The following ACVR1C variants were observed in gnomAD, a reference collection of about 807,000 sequenced individuals.
The protein encoded by ACVR1C is activin receptor type-1C.
Under a neutral mutation model 57.9 loss-of-function variants are expected in ACVR1C, and 23 were observed. The observed-to-expected ratio is 0.40, with a 90% confidence interval of 0.29 to 0.56. The LOEUF (loss-of-function observed/expected upper bound fraction) is 0.56. Among genes scored for constraint, ACVR1C ranks in the 20% least tolerant of loss-of-function variants. The probability of loss-of-function intolerance (pLI) is 0.50; values close to 1 mark genes in which losing one functional copy is unlikely to be tolerated. For missense variants in ACVR1C, 480 were observed against 607.9 expected (o/e 0.79, Z 2.21); for synonymous variants, 214 against 215.3 (o/e 0.99, Z 0.05).
rs1682723154 is a variant in ACVR1C at position 157,619,664 on chromosome 2, A to T, written c.73+8908T>A. Among the ~76,000 whole-genome samples, 4 of 152,170 alleles carry T rather than the reference A, an allele frequency of 2.6e-5. No homozygotes were observed. In the South Asian group the frequency reaches 8.3e-4, roughly 31 times the overall value. On this transcript the variant is annotated intron_variant, in intron 1 of 8. Transcript: ENST00000243349. ...TCTGACCCTTTGAGAAAATGTTGCC[A>T]ACACTTGATATAATGTACCTGCTAA...
At chr2:157,545,443 A>G (rs757681821) in intron 4 of ACVR1C, among the ~76,000 whole-genome samples, 35 of 152,198 alleles carry the variant, frequency 2.3e-4, no homozygotes, top group Non-Finnish European at 3.2e-4. Context: ...AAAATTTCCT[A>G]AGAATTTAAA....
rs1573895113 is a variant in ACVR1C, at chr2:157,528,470, T to G, written c.*5448A>C. On this transcript the variant is annotated 3_prime_UTR_variant, in exon 9 of 9. Transcript: ENST00000243349. ...AGGATGAAATACAGCTCATATTCTC[T>G]CGAATGTATTCATCTACAACTGAAA... 6.6e-6 allele frequency: 1 copy of G among 152,300 alleles called. No individual in the cohort carries two copies. The highest frequency in any genetic ancestry group is 1.9e-4 in the East Asian group (1 of 5,190). The allele number at this position is 152,300 out of a possible 1,614,324, so 9.4% of individuals were successfully genotyped here.
chr2:157,598,091 A>G (rs1682181533), intron 1 of ACVR1C, among the ~76,000 whole-genome samples: 1 of 152,080 alleles, frequency 6.6e-6, no homozygotes, highest in African/African-American at 2.4e-5. Flanking sequence ...ATACCTGATA[A>G]TGGTGGTTAC....
At position 157,541,230 on chromosome 2, in the gene ACVR1C, C is replaced by T. The variant is rs369568661; in HGVS notation, c.1101-16G>A. 14 of 1,608,316 alleles carry T rather than the reference C, an allele frequency of 8.7e-6. No homozygotes were observed. In the African/African-American group the frequency reaches 1.7e-4, roughly 20 times the overall value. ...AGCCATATACCTTCAAAAACATGTA[C>T]ATTTCAGATTCTGTCTATGACTTTA... is the stretch of plus-strand genomic sequence containing the variant. On this transcript the variant is annotated splice_polypyrimidine_tract_variant and intron_variant, in intron 6 of 8. Coordinates refer to ENST00000243349, the MANE Select transcript of ACVR1C (RefSeq NM_145259.3).
At chr2:157,534,165 G>A in intron 8 of ACVR1C, 122 bp from the exon 9 acceptor site, 2 of 877,248 alleles carry the variant, frequency 2.3e-6, no homozygotes, top group Non-Finnish European at 1.5e-6. Context: ...TAAGAGATGG[G>A]GTCTTGCTAT....
intron 5 of ACVR1C, 43 bp downstream of exon 5, chr2:157,544,402 C>T (rs758967036): frequency 6.5e-7 from 1 of 1,542,356 alleles, no homozygotes; most frequent in African/African-American, 1.4e-5. Context: ...GTACCTCTAT[C>T]CTCATATTCA....
Position 157,532,248 on chromosome 2 carries a change from A to T in ACVR1C, c.*1670T>A, listed in dbSNP as rs1019742518. On this transcript the variant is annotated 3_prime_UTR_variant, in exon 9 of 9. Transcript: ENST00000243349. ...TTACCCAAGCTGTGCTTTGCTTTAT[A>T]GAACAGTTAAATATGGGATAGTAAA... 1 of 152,130 alleles carries T rather than the reference A, an allele frequency of 6.6e-6. No homozygotes were observed. Among genetic ancestry groups the T allele is most frequent in the Non-Finnish European group, 1.5e-5 (1 of 68,002 alleles). The allele number at this position is 152,130 out of a possible 1,614,324, so 9.4% of individuals were successfully genotyped here.
rs10572950 is a variant in ACVR1C, at chr2:157,588,236, TACACACAC to T, written c.74-827_74-820del. ...CACCTCCCCAACATTCTCCACTTACTACACACACACACACACACACACACACACACAAA... is the reference window on the plus strand; with the variant it reads ...CACCTCCCCAACATTCTCCACTTACTACACACACACACACACACACACAAA... On this transcript the variant is annotated intron_variant, in intron 1 of 8. Transcript: ENST00000243349. Among the ~76,000 whole-genome samples, 328 of 147,874 alleles carry T rather than the reference TACACACAC, an allele frequency of 2.2e-3. 1 individual carries two copies. Among genetic ancestry groups the T allele is most frequent in the Non-Finnish European group, 3.4e-3 (223 of 66,320 alleles).
intron 3 of ACVR1C, among the ~76,000 whole-genome samples, chr2:157,552,806 A>G (rs1047647804): frequency 6.6e-6 from 1 of 152,206 alleles, no homozygotes; most frequent in Non-Finnish European, 1.5e-5. Flanking sequence ...AACCACCAAA[A>G]TGAATCTAAT....
intron 3 of ACVR1C, among the ~76,000 whole-genome samples, chr2:157,554,405 GAAGGAAGGAAGGAGACA>G (rs1035502478): frequency 1.4e-4 from 21 of 151,250 alleles, no homozygotes; most frequent in Admixed American, 6.6e-4. Context: ...GGAAGGAGAT[GAAGGAAGGAAGGAGACA>G]AAGGAAGGAA....
chr2:157,559,629 G>T (rs1286411897), intron 2 of ACVR1C, among the ~76,000 whole-genome samples: 1 of 152,172 alleles, frequency 6.6e-6, no homozygotes, highest in Non-Finnish European at 1.5e-5. Flanking sequence ...CATGGAATTA[G>T]CAGCTCCATG....
intron 4 of ACVR1C, 89 bp from the exon 5 acceptor site, chr2:157,544,701 G>T: frequency 8.7e-7 from 1 of 1,150,676 alleles, no homozygotes; most frequent in Non-Finnish European, 1.2e-6. Flanking sequence ...AATCTGTATT[G>T]TTAACAAAGC....
At chr2:157,625,057 C>T (rs1309543408) in intron 1 of ACVR1C, among the ~76,000 whole-genome samples, 1 of 152,170 alleles carries the variant, frequency 6.6e-6, no homozygotes, top group Non-Finnish European at 1.5e-5. Flanking sequence ...ATGCCCTTGG[C>T]TCTCAATTTT....
chr2:157,558,052 T>C (rs987852089), intron 2 of ACVR1C, among the ~76,000 whole-genome samples: 11 of 152,180 alleles, frequency 7.2e-5, no homozygotes, highest in African/African-American at 2.2e-4. Flanking sequence ...AGAGCATATT[T>C]GATAGACTAT....
intron 1 of ACVR1C, chr2:157,597,412 C>G: frequency 3.0e-6 from 3 of 985,508 alleles, no homozygotes; most frequent in Non-Finnish European, 3.6e-6. Flanking sequence ...CGGCCAGGAG[C>G]TTCCGCCTCC....
At chr2:157,622,285 A>G (rs1394196152) in intron 1 of ACVR1C, among the ~76,000 whole-genome samples, 1 of 152,186 alleles carries the variant, frequency 6.6e-6, no homozygotes, top group Non-Finnish European at 1.5e-5. Flanking sequence ...ATATGGAACC[A>G]CAAGAGACCC....
intron 2 of ACVR1C, among the ~76,000 whole-genome samples, chr2:157,558,977 A>G (rs1314075752): frequency 6.6e-6 from 1 of 152,214 alleles, no homozygotes; most frequent in Middle Eastern, 3.2e-3. Flanking sequence ...CAATTCCACT[A>G]CTGAATACAT....
chr2:157,587,425 G>C lies in ACVR1C; in HGVS notation c.74-8C>G. ...GACATACACACTTCAGTCCTGGAAA[G>C]AGTAAGGCAAAAAGATTTAAAATAC... is the stretch of plus-strand genomic sequence containing the variant. On this transcript the variant is annotated splice_region_variant and splice_polypyrimidine_tract_variant and intron_variant, in intron 1 of 8. Coordinates refer to ENST00000243349, the MANE Select transcript of ACVR1C (RefSeq NM_145259.3). 1.3e-6 allele frequency: 2 copies of C among 1,586,364 alleles called. No individual in the cohort carries two copies. The highest frequency in any genetic ancestry group is 1.7e-6 in the Non-Finnish European group (2 of 1,155,954).
intron 3 of ACVR1C, 70 bp downstream of exon 3, chr2:157,556,023 T>TA: frequency 6.7e-7 from 1 of 1,503,408 alleles, no homozygotes; most frequent in Non-Finnish European, 8.9e-7. Context: ...CCCTTTTTGT[T>TA]AAAAAGTTTT....
Sources: allele counts gnomAD v4.1 joint callset (sites outside exome capture counted in the v4.1 genomes callset), GRCh38; gene constraint gnomAD v4.1.1; transcripts MANE v1.5; gene names NCBI Gene and HGNC (gene_info 2026-07-23, HGNC 2026-07-21).